Variants in VPS4B observed in about 807,000 individuals in gnomAD.
VPS4B encodes vacuolar protein sorting 4 homolog B.
A neutral mutation model predicts 56.1 loss-of-function variants in VPS4B; 23 were observed. The observed-to-expected ratio is 0.41, with a 90% CI of 0.30 to 0.58. The LOEUF (loss-of-function observed/expected upper bound fraction) is 0.58. Ranked by LOEUF, VPS4B falls within the 20% of genes least tolerant of loss-of-function variation. The pLI is 0.29. For missense variants in VPS4B, 372 were observed against 531.9 expected, an observed-to-expected ratio of 0.70 and a Z score of 2.96; for synonymous variants, 177 against 186.0, an observed-to-expected ratio of 0.95 and a Z score of 0.39.
chr18:63,405,824 C>CAAAA (rs373876300), intron 4 of VPS4B, among the ~76,000 whole-genome samples: 5 of 142,858 alleles, frequency 3.5e-5, no homozygotes, highest in Admixed American at 1.4e-4. Context: ...AACAAACAAA[C>CAAAA]AAAAAAAAAA....
At chr18:63,391,829 ATAAT>A (rs1915555342) in intron 10 of VPS4B, among the ~76,000 whole-genome samples, 1 of 152,232 alleles carries the variant, frequency 6.6e-6, no homozygotes, top group Non-Finnish European at 1.5e-5. Context: ...GAATTTTAAA[ATAAT>A]TAGTTACAAT....
At chr18:63,391,850 C>G (rs144623221) in intron 10 of VPS4B, among the ~76,000 whole-genome samples, 3 of 151,964 alleles carry the variant, frequency 2.0e-5, no homozygotes. Context: ...CAATTAAGAT[C>G]GAAATGGTTA....
At position 63,396,520 on chromosome 18, in the gene VPS4B, G is replaced by A. The variant is rs955101929; in HGVS notation, c.1092+514C>T. The A allele has an allele frequency of 3.2e-5, 5 of 156,042 alleles. 1 individual carries two copies. In the South Asian group the frequency reaches 9.7e-4, roughly 30 times the overall value. The allele number at this position is 156,042 out of a possible 1,614,324, so 9.7% of individuals were successfully genotyped here. A position where few individuals can be genotyped will look rare whatever the true frequency, so the allele number is the denominator to read the frequency against. On this transcript the variant is annotated intron_variant, in intron 9 of 10. Coordinates refer to ENST00000238497, the MANE Select transcript of VPS4B (RefSeq NM_004869.4). The stretch of plus-strand genomic sequence containing the variant: ...CCACCTCGGCCTCCTAAAGTGCTGG[G>A]ATTACAGGTATGGGGCACTGCACCC...
At chr18:63,416,844 G>C (rs1916177871) in intron 1 of VPS4B, among the ~76,000 whole-genome samples, 1 of 152,088 alleles carries the variant, frequency 6.6e-6, no homozygotes, top group Admixed American at 6.5e-5. Context: ...TTCAGTCCTA[G>C]TTCAGATGGC....
At chr18:63,398,497 G>T (rs1026863995) in intron 8 of VPS4B, among the ~76,000 whole-genome samples, 2 of 151,606 alleles carry the variant, frequency 1.3e-5, no homozygotes, top group African/African-American at 4.9e-5. Flanking sequence ...TGGGATTACA[G>T]GCATGAGCCA....
At chr18:63,419,327 G>A (rs1244481787) in intron 1 of VPS4B, among the ~76,000 whole-genome samples, 1 of 151,932 alleles carries the variant, frequency 6.6e-6, no homozygotes, top group Non-Finnish European at 1.5e-5. Context: ...TGATGCAGGG[G>A]AATCGCTTGA....
intron 5 of VPS4B, 114 bp downstream of exon 5, chr18:63,403,593 C>G (rs1915857266): frequency 8.8e-7 from 1 of 1,141,510 alleles, no homozygotes; most frequent in Non-Finnish European, 1.2e-6. Flanking sequence ...CACCTTTTAA[C>G]AGTCACAATT....
chr18:63,401,792 G>A (rs182513233), intron 5 of VPS4B, among the ~76,000 whole-genome samples: 2 of 152,152 alleles, frequency 1.3e-5, no homozygotes, highest in East Asian at 3.9e-4. Flanking sequence ...CAGGAGCTCG[G>A]GACAACTGTG....
intron 8 of VPS4B, 86 bp downstream of exon 8, chr18:63,399,156 A>C (rs1915754170): frequency 7.9e-7 from 1 of 1,264,402 alleles, no homozygotes; most frequent in East Asian, 2.4e-5. Flanking sequence ...AAGTTGTTAG[A>C]ATGCTTCCTG....
intron 6 of VPS4B, 107 bp downstream of exon 6, chr18:63,400,440 T>G (rs1391499410): frequency 7.9e-7 from 1 of 1,259,062 alleles, no homozygotes; most frequent in East Asian, 2.5e-5. Flanking sequence ...AGTACCTGTA[T>G]TACATGACTT....
chr18:63,409,425 C>T (rs553153677), intron 3 of VPS4B, among the ~76,000 whole-genome samples: 2 of 152,306 alleles, frequency 1.3e-5, no homozygotes, highest in South Asian at 2.1e-4. Context: ...ATGAGAACCA[C>T]ATCCTCTAAA....
chr18:63,420,067 C>T (rs1916259743), intron 1 of VPS4B, among the ~76,000 whole-genome samples: 1 of 152,192 alleles, frequency 6.6e-6, no homozygotes, highest in Non-Finnish European at 1.5e-5. Flanking sequence ...CAAGATCCTT[C>T]CTGCTTAAGA....
intron 4 of VPS4B, 149 bp downstream of exon 4, chr18:63,407,282 TA>T: frequency 1.5e-6 from 1 of 682,816 alleles, no homozygotes; most frequent in Non-Finnish European, 2.4e-6. Flanking sequence ...GAAAACACTC[TA>T]AACAAAGCCA....
chr18:63,408,641 TCAGTGCTTAGCAGAG>T (rs1915968295), intron 3 of VPS4B, among the ~76,000 whole-genome samples: 1 of 152,222 alleles, frequency 6.6e-6, no homozygotes, highest in Non-Finnish European at 1.5e-5. Context: ...CCAAGCACCA[TCAGTGCTTAGCAGAG>T]GAGTTGGCAA....
chr18:63,411,343 A>AT (rs367551881), intron 2 of VPS4B, 124 bp downstream of exon 2: 14,790 of 537,608 alleles, frequency 0.028, 23 homozygotes, highest in African/African-American at 0.036. Context: ...AAAGTGGAGT[A>AT]TTTTTTTTTT....
intron 2 of VPS4B, among the ~76,000 whole-genome samples, chr18:63,411,083 C>T (rs927329504): frequency 6.6e-6 from 1 of 152,200 alleles, no homozygotes; most frequent in Non-Finnish European, 1.5e-5. Flanking sequence ...AGAACATCTT[C>T]AATCATCTAA....
chr18:63,419,175 C>T (rs1916234680), intron 1 of VPS4B, among the ~76,000 whole-genome samples: 1 of 152,186 alleles, frequency 6.6e-6, no homozygotes, highest in African/African-American at 2.4e-5. Flanking sequence ...GTAATTCTAC[C>T]ACTTTGGGAG....
Position 63,393,429 on chromosome 18 carries a change from A to G in VPS4B, c.1213T>C (p.Leu405=). The G allele has an allele frequency of 6.2e-7, 1 of 1,603,354 alleles. No individual in the cohort carries two copies. The highest frequency in any genetic ancestry group is 1.3e-5 in the African/African-American group (1 of 74,582). Residue 405 remains leucine, a synonymous_variant, in exon 10 of 11, where the codon TTG becomes CTG. Transcript: ENST00000238497. ...CAAACCATGGAAACAACTGGCTCCA[A>G]AAGTTTATCTCCAGGGACATCCATC... The part of the protein sequence containing the change: ...TWMDVPGDKL[L]EPVVSMSDML...
chr18:63,399,604 G>A (rs546433538), intron 7 of VPS4B, among the ~76,000 whole-genome samples: 3 of 151,940 alleles, frequency 2.0e-5, no homozygotes, highest in East Asian at 3.9e-4. Flanking sequence ...AATTTCATTC[G>A]AAGTCTACAT....
Sources: gnomAD v4.1 joint callset for allele counts (sites outside exome capture counted in the v4.1 genomes callset) on GRCh38, gnomAD v4.1.1 for gene constraint, MANE v1.5 for transcripts, NCBI Gene and HGNC (gene_info 2026-07-23, HGNC 2026-07-21) for gene names.